GPC5: variants seen among roughly 807,000 people sequenced by gnomAD.
GPC5 encodes the protein glypican 5.
A neutral mutation model predicts 53.9 loss-of-function variants in GPC5; 47 were observed. The observed-to-expected ratio is 0.87, with a 90% CI of 0.69 to 1.11. The LOEUF (loss-of-function observed/expected upper bound fraction) is 1.11, where lower values mean the gene tolerates loss of function less well. Among genes scored for constraint, GPC5 ranks in the 50% most tolerant of loss-of-function variants. GPC5 has a pLI of 0.00. For synonymous variants in GPC5, 286 were observed against 263.3 expected (o/e 1.09, Z -0.84); for missense variants, 748 against 713.1 (o/e 1.05, Z -0.56).
intron 6 of GPC5, among the ~76,000 whole-genome samples, chr13:92,037,250 T>C (rs2040901239): frequency 6.6e-6 from 1 of 152,040 alleles, no homozygotes; most frequent in African/African-American, 2.4e-5. Context: ...TTATTTACCA[T>C]CTCACTGATT....
intron 3 of GPC5, among the ~76,000 whole-genome samples, chr13:91,694,580 A>G (rs2035839300): frequency 6.6e-6 from 1 of 152,228 alleles, no homozygotes; most frequent in Admixed American, 6.5e-5. Flanking sequence ...CACCTTACAT[A>G]GAACCATTTT....
At chr13:91,494,375 T>G (rs961821415) in intron 2 of GPC5, among the ~76,000 whole-genome samples, 2 of 125,582 alleles carry the variant, frequency 1.6e-5, no homozygotes, top group East Asian at 3.9e-4. Context: ...ATTATTTTAC[T>G]TCTTCCTATC....
chr13:92,243,033 C>A (rs370341704), intron 7 of GPC5, among the ~76,000 whole-genome samples: 3 of 152,166 alleles, frequency 2.0e-5, no homozygotes, highest in Non-Finnish European at 4.4e-5. Context: ...AGTTTTCTCT[C>A]ACATTGTTTG....
chr13:92,317,038 C>T (rs1403082409), intron 7 of GPC5, among the ~76,000 whole-genome samples: 1 of 152,102 alleles, frequency 6.6e-6, no homozygotes, highest in Non-Finnish European at 1.5e-5. Flanking sequence ...TATTTCAAGT[C>T]ATACTACAAG....
At chr13:91,762,855 C>T (rs2037443486) in intron 5 of GPC5, among the ~76,000 whole-genome samples, 1 of 152,126 alleles carries the variant, frequency 6.6e-6, no homozygotes. Flanking sequence ...CAAACTCTCA[C>T]TTTTGTCTTG....
intron 7 of GPC5, among the ~76,000 whole-genome samples, chr13:92,703,321 A>C (rs1887823773): frequency 6.6e-6 from 1 of 151,514 alleles, no homozygotes; most frequent in South Asian, 2.1e-4. Flanking sequence ...GGAATAGGAG[A>C]GCTCAATCTT....
At chr13:91,592,929 G>A (rs2065856) in intron 2 of GPC5, among the ~76,000 whole-genome samples, 9,289 of 152,282 alleles carry the variant, frequency 0.061, 363 homozygotes, top group Non-Finnish European at 0.087. Context: ...GCTGAGGCAA[G>A]ACATTCTCAG....
chr13:92,717,367 C>A (rs1566381729), intron 7 of GPC5, among the ~76,000 whole-genome samples: 2 of 152,040 alleles, frequency 1.3e-5, no homozygotes, highest in Non-Finnish European at 2.9e-5. Flanking sequence ...CAGACATATA[C>A]CATGAATATA....
intron 6 of GPC5, among the ~76,000 whole-genome samples, chr13:92,004,476 AT>A (rs2040587343): frequency 7.4e-6 from 1 of 135,420 alleles, no homozygotes; most frequent in African/African-American, 2.8e-5. Context: ...ATATATATAT[AT>A]ATATATATAT....
chr13:92,544,357 T>C (rs756447537), intron 7 of GPC5, among the ~76,000 whole-genome samples: 5 of 152,152 alleles, frequency 3.3e-5, no homozygotes, highest in Non-Finnish European at 7.4e-5. Flanking sequence ...AACATTTTTG[T>C]AGCTACAAAA....
intron 7 of GPC5, among the ~76,000 whole-genome samples, chr13:92,358,693 C>T (rs2043542426): frequency 2.0e-5 from 3 of 151,928 alleles, no homozygotes; most frequent in Admixed American, 2.0e-4. Flanking sequence ...AAGCTTATGG[C>T]TTACACCCTT....
At chr13:92,835,501 G>A (rs1878192066) in intron 7 of GPC5, among the ~76,000 whole-genome samples, 2 of 151,816 alleles carry the variant, frequency 1.3e-5, no homozygotes, top group Admixed American at 1.3e-4. Context: ...TAACCTGGTT[G>A]GCTCCTATTC....
Position 91,434,541 on chromosome 13 carries a change from G to C in GPC5, c.164-14220G>C, listed in dbSNP as rs1879759694. ...GTGTGTTGTTATTTCTGAGGGCTCT[G>C]TTCTGTTCCATTGGTCTATATCTCT... On this transcript the variant is annotated intron_variant, in intron 1 of 7. Transcript: ENST00000377067. 3.9e-5 allele frequency among the ~76,000 whole-genome samples: 6 copies of C among 152,240 alleles called. No individual in the cohort carries two copies. In the South Asian group the frequency reaches 1.2e-3, roughly 32 times the overall value.
intron 7 of GPC5, among the ~76,000 whole-genome samples, chr13:92,648,852 A>G (rs1347260230): frequency 9.9e-5 from 15 of 152,096 alleles, no homozygotes; most frequent in Non-Finnish European, 1.9e-4. Flanking sequence ...GTGGCTCCCA[A>G]TTGCTCATTA....
chr13:92,188,728 T>C (rs1475117530), intron 7 of GPC5, among the ~76,000 whole-genome samples: 2 of 152,238 alleles, frequency 1.3e-5, no homozygotes, highest in Non-Finnish European at 2.9e-5. Flanking sequence ...TTCAGCAATA[T>C]GTTTAATTTT....
At chr13:92,852,052 G>T (rs756579478) in intron 7 of GPC5, among the ~76,000 whole-genome samples, 1 of 152,100 alleles carries the variant, frequency 6.6e-6, no homozygotes, top group Non-Finnish European at 1.5e-5. Flanking sequence ...GAGAGATTCG[G>T]AGTACCAACA....
chr13:92,218,541 T>A (rs1263162300), intron 7 of GPC5, among the ~76,000 whole-genome samples: 1 of 152,172 alleles, frequency 6.6e-6, no homozygotes, highest in Non-Finnish European at 1.5e-5. Flanking sequence ...GTACCTCCTC[T>A]TTCACCCAGT....
intron 7 of GPC5, among the ~76,000 whole-genome samples, chr13:92,615,497 CTGTT>C (rs1379687831): frequency 6.6e-6 from 1 of 152,084 alleles, no homozygotes; most frequent in East Asian, 1.9e-4. Context: ...TGGAATTTTC[CTGTT>C]TATTTGAATT....
chr13:92,848,787 T>G (rs946388659), intron 7 of GPC5, among the ~76,000 whole-genome samples: 1 of 133,622 alleles, frequency 7.5e-6, no homozygotes, highest in Admixed American at 7.5e-5. Flanking sequence ...TGTTGTTAGA[T>G]GGATCTACAC....
Sources: allele counts gnomAD v4.1 joint callset (sites outside exome capture counted in the v4.1 genomes callset), GRCh38; gene constraint gnomAD v4.1.1; transcripts MANE v1.5; gene names NCBI Gene and HGNC (gene_info 2026-07-23, HGNC 2026-07-21).